ATP11C: variants seen among roughly 807,000 people sequenced by gnomAD.
ATP11C encodes phospholipid-transporting ATPase IG.
A neutral mutation model predicts 97.4 loss-of-function variants in ATP11C; 36 were observed. The ratio of observed to expected loss-of-function variants is 0.37; its 90% confidence interval spans 0.28 to 0.49. The LOEUF (loss-of-function observed/expected upper bound fraction) is 0.49. Ranked by LOEUF, ATP11C falls within the 20% of genes least tolerant of loss-of-function variation. The pLI, the probability that ATP11C is intolerant of heterozygous loss-of-function variation, is 0.98. For missense variants in ATP11C, 730 were observed against 824.6 expected, an observed-to-expected ratio of 0.89 and a Z score of 1.40; for synonymous variants, 275 against 290.9, an observed-to-expected ratio of 0.95 and a Z score of 0.56.
At chrX:139,866,611 G>A (rs761874289) in intron 1 of ATP11C, among the ~76,000 whole-genome samples, 30 of 110,139 alleles carry the variant, frequency 2.7e-4, no homozygotes, top group African/African-American at 9.9e-4. Context: ...CCAGGTACTC[G>A]GGAGGCTGAG....
At chrX:139,931,425 G>A (rs928067338) in intron 1 of ATP11C, among the ~76,000 whole-genome samples, 2 of 111,783 alleles carry the variant, frequency 1.8e-5, no homozygotes, top group South Asian at 3.7e-4. Flanking sequence ...GGCCCACCCT[G>A]ACAATCACGC....
At chrX:139,772,068 T>C (rs1256547612) in intron 19 of ATP11C, among the ~76,000 whole-genome samples, 1 of 112,015 alleles carries the variant, frequency 8.9e-6, no homozygotes, top group Admixed American at 9.4e-5. Context: ...AGTGGTTTCA[T>C]GGGCCAGGCC....
chrX:139,915,802 A>T (rs1348918847), intron 1 of ATP11C, among the ~76,000 whole-genome samples: 4 of 112,602 alleles, frequency 3.6e-5, no homozygotes, highest in African/African-American at 9.7e-5. Flanking sequence ...ATAATAGCAA[A>T]TTGCTGAAGA....
chrX:139,865,912 C>A (rs1007122230), intron 1 of ATP11C, among the ~76,000 whole-genome samples: 1 of 111,909 alleles, frequency 8.9e-6, no homozygotes, highest in African/African-American at 3.3e-5. Context: ...AAGATAAACA[C>A]ATCTCTAAGG....
chrX:139,750,206 C>A, intron 23 of ATP11C, 54 bp from the exon 24 acceptor site: 1 of 1,071,452 alleles, frequency 9.3e-7, no homozygotes, highest in Admixed American at 2.4e-5. Context: ...CAATCATCTA[C>A]AAGATGATAC....
chrX:139,729,658 C>T (rs1603323176), intron 29 of ATP11C, among the ~76,000 whole-genome samples: 1 of 111,511 alleles, frequency 9.0e-6, no homozygotes, highest in Non-Finnish European at 1.9e-5. Flanking sequence ...GTCCTCTAAA[C>T]ATCATCAAAT....
chrX:139,885,161 G>A (rs2084620162), intron 1 of ATP11C, among the ~76,000 whole-genome samples: 1 of 110,091 alleles, frequency 9.1e-6, no homozygotes, highest in Non-Finnish European at 1.9e-5. Flanking sequence ...CCCTTCCTCT[G>A]TCTCTCTCAC....
intron 1 of ATP11C, among the ~76,000 whole-genome samples, chrX:139,905,288 AAGAATGGAAAATTCCTT>A (rs1235581535): frequency 8.9e-6 from 1 of 112,214 alleles, no homozygotes; most frequent in Non-Finnish European, 1.9e-5. Context: ...TCCCTTTTCC[AAGAATGGAAAATTCCTT>A]TTGAGAGCAT....
At chrX:139,782,487 G>C in intron 18 of ATP11C, 60 bp downstream of exon 18, 1 of 813,959 alleles carries the variant, frequency 1.2e-6, no homozygotes, top group Non-Finnish European at 1.7e-6. Context: ...TACTAATCTG[G>C]GGCAGATCAC....
rs1427621619 is a variant in ATP11C at position 139,764,125 on chromosome X, A to T, written c.2392-707T>A. 2.7e-5 allele frequency among the ~76,000 whole-genome samples: 3 copies of T among 111,928 alleles called. No homozygotes were observed. The East Asian group carries it at 8.4e-4, about 31-fold the overall frequency. ...ACTTTCTACTCTCTCCTCCCTGCTG[A>T]CACTCTCACCTTCCCTAGGAGCACA... On this transcript the variant is annotated intron_variant, in intron 20 of 29. Transcript: ENST00000682941.
chrX:139,824,812 A>G (rs1386641900), intron 2 of ATP11C, among the ~76,000 whole-genome samples: 1 of 112,393 alleles, frequency 8.9e-6, no homozygotes, highest in African/African-American at 3.2e-5. Flanking sequence ...TGTAAACAAA[A>G]GCGGCATCCA....
intron 1 of ATP11C, among the ~76,000 whole-genome samples, chrX:139,920,328 G>C (rs933245924): frequency 1.9e-5 from 2 of 103,942 alleles, no homozygotes; most frequent in Non-Finnish European, 3.9e-5. Flanking sequence ...CTGCACTCCA[G>C]CCTGGGTGAC....
intron 1 of ATP11C, among the ~76,000 whole-genome samples, chrX:139,885,148 C>G (rs1045979313): frequency 2.7e-5 from 3 of 110,586 alleles, no homozygotes; most frequent in African/African-American, 9.9e-5. Context: ...CCTGTCCTTC[C>G]CTCCCTTCCT....
chrX:139,918,179 G>T (rs2085186790), intron 1 of ATP11C, among the ~76,000 whole-genome samples: 1 of 111,546 alleles, frequency 9.0e-6, no homozygotes, highest in Admixed American at 9.6e-5. Flanking sequence ...CAATCTCGAA[G>T]AGAGATATTT....
chrX:139,751,937 G>C (rs1340386817), intron 23 of ATP11C, among the ~76,000 whole-genome samples: 1 of 111,349 alleles, frequency 9.0e-6, no homozygotes, highest in African/African-American at 3.3e-5. Context: ...GACTGAAAAA[G>C]GCTGACTACT....
intron 2 of ATP11C, 84 bp downstream of exon 2, chrX:139,826,620 G>A (rs1418814947): frequency 3.7e-6 from 3 of 817,572 alleles, no homozygotes; most frequent in Non-Finnish European, 5.3e-6. Flanking sequence ...ATACATAAAT[G>A]CATCAGTTTC....
intron 1 of ATP11C, among the ~76,000 whole-genome samples, chrX:139,881,925 T>C (rs1413220155): frequency 3.6e-5 from 4 of 112,177 alleles, no homozygotes; most frequent in African/African-American, 6.5e-5. Context: ...TGCATCATAA[T>C]AGGCTTTCTC....
intron 19 of ATP11C, 97 bp downstream of exon 19, chrX:139,774,593 A>G: frequency 2.6e-6 from 2 of 784,155 alleles, no homozygotes; most frequent in Non-Finnish European, 3.6e-6. Context: ...TGCAAACAGA[A>G]AATCATGCAT....
At chrX:139,821,444 GCTAAA>G (rs768457010) in intron 2 of ATP11C, among the ~76,000 whole-genome samples, 208 of 112,002 alleles carry the variant, frequency 1.9e-3, no homozygotes, top group Non-Finnish European at 2.7e-3. Flanking sequence ...AAAACAATAA[GCTAAA>G]CTCCAACAAC....
Sources: gnomAD v4.1 joint callset for allele counts (sites outside exome capture counted in the v4.1 genomes callset) on GRCh38, gnomAD v4.1.1 for gene constraint, MANE v1.5 for transcripts, NCBI Gene and HGNC (gene_info 2026-07-23, HGNC 2026-07-21) for gene names.